SLCO1B1: variants seen among roughly 807,000 people sequenced by gnomAD.
SLCO1B1 encodes OATP-2.
SLCO1B1 carries 81 observed loss-of-function variants against 70.1 expected under a neutral mutation model. The ratio of observed to expected loss-of-function variants is 1.16; its 90% confidence interval spans 0.97 to 1.39. The LOEUF (loss-of-function observed/expected upper bound fraction) is 1.39, where lower values mean the gene tolerates loss of function less well. Among genes scored for constraint, SLCO1B1 ranks in the 40% most tolerant of loss-of-function variants. The probability of loss-of-function intolerance (pLI) is 0.00; values close to 1 mark genes in which losing one functional copy is unlikely to be tolerated. For missense variants in SLCO1B1, 895 were observed against 799.6 expected (o/e 1.12, Z -1.44); for synonymous variants, 283 against 271.5 (o/e 1.04, Z -0.42).
intron 2 of SLCO1B1, among the ~76,000 whole-genome samples, chr12:21,154,989 A>G (rs764500802): frequency 6.6e-6 from 1 of 151,372 alleles, no homozygotes; most frequent in Non-Finnish European, 1.5e-5. Flanking sequence ...AAAGGCCTCA[A>G]TTTTTTTTCT....
chr12:21,157,034 C>A (rs1223087386), intron 2 of SLCO1B1, among the ~76,000 whole-genome samples: 1 of 152,166 alleles, frequency 6.6e-6, no homozygotes. Context: ...AACATAATTT[C>A]TTTTGAATCT....
At chr12:21,205,806 C>A in intron 10 of SLCO1B1, 62 bp from the exon 11 acceptor site, 1 of 1,221,654 alleles carries the variant, frequency 8.2e-7, no homozygotes, top group Non-Finnish European at 1.2e-6. Flanking sequence ...CCTTCTCCTC[C>A]CCTTCTTTGT....
chr12:21,171,431 T>C (rs972116543), intron 2 of SLCO1B1, among the ~76,000 whole-genome samples: 1 of 152,156 alleles, frequency 6.6e-6, no homozygotes, highest in Non-Finnish European at 1.5e-5. Context: ...TCATAGGTTA[T>C]TGGAAAAACT....
intron 2 of SLCO1B1, among the ~76,000 whole-genome samples, chr12:21,167,717 C>G (rs1471422305): frequency 6.6e-6 from 1 of 152,038 alleles, no homozygotes; most frequent in Non-Finnish European, 1.5e-5. Flanking sequence ...AACTTTGTAT[C>G]CACTAAACTA....
intron 2 of SLCO1B1, among the ~76,000 whole-genome samples, chr12:21,149,470 G>A (rs1354975689): frequency 1.3e-5 from 2 of 152,152 alleles, no homozygotes; most frequent in African/African-American, 4.8e-5. Context: ...AACGCAGAAG[G>A]TGGGTGATTT....
At chr12:21,132,683 GTT>G (rs1254832017) in intron 1 of SLCO1B1, among the ~76,000 whole-genome samples, 1 of 152,232 alleles carries the variant, frequency 6.6e-6, no homozygotes, top group Admixed American at 6.5e-5. Context: ...TGATGGGGTC[GTT>G]TGTCTTTTGT....
At chr12:21,216,321 G>A (rs961324394) in intron 11 of SLCO1B1, among the ~76,000 whole-genome samples, 2 of 152,118 alleles carry the variant, frequency 1.3e-5, no homozygotes, top group African/African-American at 4.8e-5. Context: ...AACTGTAGAT[G>A]TATAGATTTA....
intron 2 of SLCO1B1, among the ~76,000 whole-genome samples, chr12:21,149,967 G>A (rs1292456699): frequency 6.6e-6 from 1 of 152,108 alleles, no homozygotes; most frequent in Non-Finnish European, 1.5e-5. Flanking sequence ...AATTCTCCTT[G>A]CCAGCCGAGC....
intron 14 of SLCO1B1, among the ~76,000 whole-genome samples, chr12:21,225,365 C>T (rs1033508411): frequency 6.6e-6 from 1 of 152,078 alleles, no homozygotes; most frequent in South Asian, 2.1e-4. Flanking sequence ...CCGTAAGTGA[C>T]ATGAAGATAA....
chr12:21,214,925 C>A (rs930957706), intron 11 of SLCO1B1, among the ~76,000 whole-genome samples: 14 of 151,950 alleles, frequency 9.2e-5, no homozygotes, highest in Non-Finnish European at 1.8e-4. Flanking sequence ...CTTCGGCTCA[C>A]GCACGGTGCG....
chr12:21,140,287 C>T (rs1179712787), intron 1 of SLCO1B1, among the ~76,000 whole-genome samples: 1 of 151,924 alleles, frequency 6.6e-6, no homozygotes, highest in Non-Finnish European at 1.5e-5. Context: ...TGTATCTATG[C>T]TGTGTCTGCT....
intron 2 of SLCO1B1, among the ~76,000 whole-genome samples, chr12:21,149,132 A>G (rs932835276): frequency 1.3e-5 from 2 of 152,144 alleles, no homozygotes; most frequent in Non-Finnish European, 2.9e-5. Context: ...GGCTGAGACA[A>G]TGGGGTTTTC....
intron 14 of SLCO1B1, among the ~76,000 whole-genome samples, chr12:21,236,653 T>A (rs778043485): frequency 1.1e-4 from 17 of 152,154 alleles, no homozygotes; most frequent in Non-Finnish European, 2.4e-4. Flanking sequence ...TTCACAGGGT[T>A]CTCTGGGGGT....
intron 14 of SLCO1B1, among the ~76,000 whole-genome samples, chr12:21,232,351 A>C (rs977146936): frequency 6.6e-6 from 1 of 152,166 alleles, no homozygotes. Context: ...ATTAACTACA[A>C]AATTCCTGTC....
chr12:21,181,208 A>G (rs772499870), intron 7 of SLCO1B1, among the ~76,000 whole-genome samples: 3 of 152,190 alleles, frequency 2.0e-5, no homozygotes, highest in Non-Finnish European at 4.4e-5. Context: ...AGAAAATCCA[A>G]ACACCAAAAT....
intron 1 of SLCO1B1, among the ~76,000 whole-genome samples, chr12:21,137,359 G>A (rs1940239548): frequency 6.6e-6 from 1 of 152,306 alleles, no homozygotes; most frequent in Non-Finnish European, 1.5e-5. Context: ...CTTCAAAGCT[G>A]TCAGAGAGGG....
At chr12:21,179,561 T>A (rs776857323) in intron 7 of SLCO1B1, among the ~76,000 whole-genome samples, 7 of 152,176 alleles carry the variant, frequency 4.6e-5, no homozygotes, top group Non-Finnish European at 1.0e-4. Flanking sequence ...AATCTATGAT[T>A]TTCTTCTTCA....
In SLCO1B1 at chr12:21,217,270, T is replaced by C; in HGVS notation, c.1649T>C (p.Leu550Pro). 3 of 1,613,802 alleles carry C rather than the reference T, an allele frequency of 1.9e-6. No individual in the cohort carries two copies. The highest frequency in any genetic ancestry group is 2.5e-6 in the Non-Finnish European group (3 of 1,179,764). Residue 550 changes from leucine to proline, a missense_variant, in exon 12 of 15, where the codon CTT becomes CCT. Leu to Pro is a moderately conservative substitution (Grantham distance 98). Transcript: ENST00000256958. ...IQVLNLFFSA[L>P]GGTSHVMLIV... is the part of the protein sequence containing the mutation. ...GTCTTGAATTTATTTTTCTCTGCAC[T>C]TGGAGGCACCTCACATGTCATGCTG... is the stretch of plus-strand genomic sequence containing the variant.
chr12:21,216,443 G>A (rs2121178540), intron 11 of SLCO1B1, among the ~76,000 whole-genome samples: 1 of 152,218 alleles, frequency 6.6e-6, no homozygotes, highest in South Asian at 2.1e-4. Context: ...AAAGCCACCT[G>A]TCTATATAAA....
Sources: allele counts gnomAD v4.1 joint callset (sites outside exome capture counted in the v4.1 genomes callset), GRCh38; gene constraint gnomAD v4.1.1; transcripts MANE v1.5; gene names NCBI Gene and HGNC (gene_info 2026-07-23, HGNC 2026-07-21).